The following EFCAB6 variants were observed in gnomAD, a reference collection of about 807,000 sequenced individuals.
EFCAB6 encodes EF-hand calcium binding domain 6, also known as EF-hand calcium-binding domain-containing protein 6.
Under a neutral mutation model 169.8 loss-of-function variants are expected in EFCAB6, and 156 were observed. The ratio of observed to expected loss-of-function variants is 0.92; its 90% CI spans 0.81 to 1.05. EFCAB6 has a LOEUF of 1.05. Ranked by LOEUF, EFCAB6 falls within the 50% of genes least tolerant of loss-of-function variation. EFCAB6 has a pLI of 0.00. For missense variants in EFCAB6, 1,800 were observed against 1,829.1 expected (o/e 0.98, Z 0.29); for synonymous variants, 698 against 676.4 (o/e 1.03, Z -0.50).
At chr22:43,573,698 T>C (rs1397289930) in intron 26 of EFCAB6, among the ~76,000 whole-genome samples, 1 of 129,174 alleles carries the variant, frequency 7.7e-6, no homozygotes, top group African/African-American at 3.1e-5. Flanking sequence ...GCCATTGCAC[T>C]CCAGCCTGGG....
intron 27 of EFCAB6, among the ~76,000 whole-genome samples, chr22:43,548,706 C>T (rs946032442): frequency 2.6e-5 from 4 of 151,946 alleles, no homozygotes; most frequent in Admixed American, 1.3e-4. Flanking sequence ...TCTACTATTA[C>T]AGTGAGTGAT....
At chr22:43,534,280 A>G (rs2047256748) in intron 30 of EFCAB6, among the ~76,000 whole-genome samples, 2 of 152,168 alleles carry the variant, frequency 1.3e-5, no homozygotes, top group Admixed American at 6.5e-5. Context: ...TCTCTCTCTC[A>G]CCTGGCACCA....
At chr22:43,725,299 G>A (rs982220574) in intron 8 of EFCAB6, among the ~76,000 whole-genome samples, 17 of 151,936 alleles carry the variant, frequency 1.1e-4, no homozygotes, top group African/African-American at 3.4e-4. Flanking sequence ...GCGCCACCAC[G>A]CCCAGCTAAT....
In EFCAB6 at chr22:43,615,938, A is replaced by T. The variant is rs374666693; in HGVS notation, c.2466-16T>A. Reference sequence around the variant, plus strand: ...CTGTTTTGGTCTTAAAAGAAAAAAAATAATAAATAACTGTGTTTAAATTTA... The same window carrying T: ...CTGTTTTGGTCTTAAAAGAAAAAAATTAATAAATAACTGTGTTTAAATTTA... On this transcript the variant is annotated splice_polypyrimidine_tract_variant and intron_variant, in intron 20 of 31. Coordinates refer to ENST00000262726, the MANE Select transcript of EFCAB6 (RefSeq NM_022785.4). 1 of 1,599,556 alleles carries T rather than the reference A, an allele frequency of 6.3e-7. No homozygotes were observed.
At chr22:43,725,134 CTT>C (rs33983375) in intron 8 of EFCAB6, among the ~76,000 whole-genome samples, 21,035 of 94,494 alleles carry the variant, frequency 0.22, 2,383 homozygotes, top group East Asian at 0.58. Context: ...GCCAAACTGG[CTT>C]TTTTTTTTTT....
chr22:43,544,904 C>T (rs577705818), intron 27 of EFCAB6, among the ~76,000 whole-genome samples: 1 of 152,042 alleles, frequency 6.6e-6, no homozygotes, highest in Admixed American at 6.6e-5. Context: ...AGGCAGATCA[C>T]GAGGTCAGGA....
intron 17 of EFCAB6, among the ~76,000 whole-genome samples, chr22:43,641,215 G>C (rs2055775381): frequency 6.6e-6 from 1 of 152,214 alleles, no homozygotes; most frequent in South Asian, 2.1e-4. Context: ...TCAGGCTCTT[G>C]CTATTGTGTC....
At chr22:43,804,726 T>C (rs73174390) in intron 2 of EFCAB6, among the ~76,000 whole-genome samples, 1,984 of 143,460 alleles carry the variant, frequency 0.014, 19 homozygotes, top group Non-Finnish European at 0.019. Context: ...ATCCTGCTAC[T>C]GCACTTCAGC....
intron 22 of EFCAB6, among the ~76,000 whole-genome samples, chr22:43,605,706 C>T (rs2052870721): frequency 1.3e-5 from 2 of 152,022 alleles, no homozygotes; most frequent in South Asian, 2.1e-4. Flanking sequence ...GTGACAGCTG[C>T]ACTGCATGAT....
At chr22:43,538,889 A>C (rs1192458676) in intron 28 of EFCAB6, among the ~76,000 whole-genome samples, 1 of 152,212 alleles carries the variant, frequency 6.6e-6, no homozygotes, top group Non-Finnish European at 1.5e-5. Context: ...CTGGAGGTCC[A>C]AAGTCTGAAC....
chr22:43,803,986 A>G (rs2062823837), intron 2 of EFCAB6, among the ~76,000 whole-genome samples: 2 of 152,206 alleles, frequency 1.3e-5, no homozygotes, highest in African/African-American at 4.8e-5. Flanking sequence ...ATCTAGGATT[A>G]TAGACACGCA....
chr22:43,671,555 GA>G (rs961823396), intron 15 of EFCAB6, among the ~76,000 whole-genome samples: 9 of 152,170 alleles, frequency 5.9e-5, no homozygotes, highest in Non-Finnish European at 1.2e-4. Context: ...GAGTTGAGAT[GA>G]AATCTTTGCT....
chr22:43,783,184 G>T (rs1159506701), intron 2 of EFCAB6, among the ~76,000 whole-genome samples: 1 of 152,188 alleles, frequency 6.6e-6, no homozygotes, highest in East Asian at 1.9e-4. Context: ...AGAGGCATTT[G>T]TTAGAAGAAA....
Position 43,576,344 on chromosome 22 carries a change from T to C in EFCAB6, c.3373A>G (p.Ile1125Val), listed in dbSNP as rs373547954. The C allele has an allele frequency of 6.3e-6, 10 of 1,598,556 alleles. No individual in the cohort carries two copies. The highest frequency in any genetic ancestry group is 3.5e-5 in the South Asian group (3 of 86,826). The part of the protein sequence containing the change: ...RKLRIHLTPY[I>V]NWKYFLQNFS... Reference sequence around the variant, plus strand: ...TTCTGGAGAAAATATTTCCAATTTATATAGGGGGTTAGATGAATTCTTAGT... The same window carrying C: ...TTCTGGAGAAAATATTTCCAATTTACATAGGGGGTTAGATGAATTCTTAGT... Residue 1125 changes from isoleucine (I) to valine (V), a missense_variant, in exon 26 of 32, where the codon ATA (isoleucine) becomes GTA (valine). Coordinates refer to ENST00000262726, the MANE Select transcript of EFCAB6 (RefSeq NM_022785.4).
At chr22:43,592,061 G>T (rs1018846367) in intron 23 of EFCAB6, among the ~76,000 whole-genome samples, 5 of 152,170 alleles carry the variant, frequency 3.3e-5, no homozygotes, top group Non-Finnish European at 1.5e-5. Context: ...GGTGGTAATT[G>T]TCTACCACTT....
In EFCAB6 at chr22:43,731,805, C is replaced by A; in HGVS notation, c.651G>T (p.Ser217=). ...TATCCTTGTGGATGTTGTAGTGTTT[C>A]GAAAACCTAAAATACAAATGTTCTT... The part of the protein sequence containing the change: ...KLRDEEYEKF[S]KHYNIHKDTA... Residue 217 remains serine, a synonymous_variant, in exon 8 of 32, where the codon TCG becomes TCT. Transcript: ENST00000262726. 6.4e-7 allele frequency: 1 copy of A among 1,561,074 alleles called. No individual in the cohort carries two copies. Among genetic ancestry groups the A allele is most frequent in the Non-Finnish European group, 8.6e-7 (1 of 1,158,642 alleles).
intron 6 of EFCAB6, among the ~76,000 whole-genome samples, chr22:43,736,934 C>T (rs1196140162): frequency 6.6e-6 from 1 of 152,042 alleles, no homozygotes; most frequent in Non-Finnish European, 1.5e-5. Flanking sequence ...AAGCTCACAG[C>T]CTTGACCCAC....
At chr22:43,702,506 C>T (rs980739691) in intron 10 of EFCAB6, among the ~76,000 whole-genome samples, 1 of 152,222 alleles carries the variant, frequency 6.6e-6, no homozygotes, top group Non-Finnish European at 1.5e-5. Flanking sequence ...AAGTACCACA[C>T]AGAAAGTGTT....
intron 21 of EFCAB6, among the ~76,000 whole-genome samples, chr22:43,611,966 T>C (rs1434430345): frequency 6.6e-6 from 1 of 151,990 alleles, no homozygotes; most frequent in Non-Finnish European, 1.5e-5. Flanking sequence ...AACAGACACA[T>C]AGACCAGTGG....
Sources: allele counts gnomAD v4.1 joint callset (sites outside exome capture counted in the v4.1 genomes callset), GRCh38; gene constraint gnomAD v4.1.1; transcripts MANE v1.5; gene names NCBI Gene and HGNC (gene_info 2026-07-23, HGNC 2026-07-21).